Variants in NMUR2 observed in about 807,000 individuals in gnomAD.
The protein encoded by NMUR2 is neuromedin U receptor 2, also known as neuromedin-U receptor 2.
A neutral mutation model predicts 25.1 loss-of-function variants in NMUR2; 24 were observed. The ratio of observed to expected loss-of-function variants is 0.96; its 90% CI spans 0.69 to 1.34. The LOEUF is 1.34. Among genes scored for constraint, NMUR2 ranks in the 40% most tolerant of loss-of-function variants. The pLI is 0.00. For synonymous variants in NMUR2, 218 were observed against 208.1 expected, an observed-to-expected ratio of 1.05 and a Z score of -0.41; for missense variants, 533 against 512.8, an observed-to-expected ratio of 1.04 and a Z score of -0.38.
intron 1 of NMUR2, among the ~76,000 whole-genome samples, chr5:152,404,144 A>T (rs1306716007): frequency 6.6e-6 from 1 of 152,322 alleles, no homozygotes; most frequent in Admixed American, 6.5e-5. Flanking sequence ...TAGATACGAG[A>T]ACCCCAAGAA....
intron 3 of NMUR2, among the ~76,000 whole-genome samples, chr5:152,394,956 A>T (rs763572845): frequency 6.6e-6 from 1 of 151,190 alleles, no homozygotes; most frequent in Non-Finnish European, 1.5e-5. Flanking sequence ...TTGCAAATCC[A>T]GGTCATCTGA....
intron 1 of NMUR2, among the ~76,000 whole-genome samples, chr5:152,399,657 T>A (rs1022179541): frequency 2.0e-5 from 3 of 152,062 alleles, no homozygotes; most frequent in Non-Finnish European, 4.4e-5. Flanking sequence ...GAAACAGAAA[T>A]AAAGTTAGGT....
At chr5:152,398,358 T>A (rs1186737152) in intron 1 of NMUR2, among the ~76,000 whole-genome samples, 2 of 152,176 alleles carry the variant, frequency 1.3e-5, no homozygotes, top group African/African-American at 2.4e-5. Flanking sequence ...GGCCAAGTAA[T>A]AGTGCAACCA....
rs950648812 is a variant in NMUR2, at chr5:152,396,855, C to T, written c.811+1205G>A. Among the ~76,000 whole-genome samples, 4 of 152,046 alleles carry T rather than the reference C, an allele frequency of 2.6e-5. No individual in the cohort carries two copies. The East Asian group carries it at 5.8e-4, about 22-fold the overall frequency. On this transcript the variant is annotated intron_variant, in intron 2 of 3. Coordinates refer to ENST00000255262, the MANE Select transcript of NMUR2 (RefSeq NM_020167.5). ...TACAGTGAGCCGAGATGCCACTGCACTCCAGCCAGGGCAACAGGGCAAGAC... is the reference window on the plus strand; with the variant it reads ...TACAGTGAGCCGAGATGCCACTGCATTCCAGCCAGGGCAACAGGGCAAGAC...
Position 152,405,166 on chromosome 5 carries a change from C to T in NMUR2, c.-53G>A. The T allele has an allele frequency of 7.3e-7, 1 of 1,378,570 alleles. No homozygotes were observed. 85.4% of individuals were successfully genotyped at this position (1,378,570 alleles called of 1,614,324 possible). A position where few individuals can be genotyped will look rare whatever the true frequency, so the allele number is the denominator to read the frequency against. ...GTACGAGGCTCTGTTTCAAGCTGAGCCAGGAAAAAAAAAAAAAAAAGAAAA... is the reference window on the plus strand; with the variant it reads ...GTACGAGGCTCTGTTTCAAGCTGAGTCAGGAAAAAAAAAAAAAAAAGAAAA... On this transcript the variant is annotated 5_prime_UTR_variant, in exon 1 of 4. Coordinates refer to ENST00000255262, the MANE Select transcript of NMUR2 (RefSeq NM_020167.5).
Position 152,404,828 on chromosome 5 carries a change from G to C in NMUR2, c.286C>G (p.Leu96Val). The change falls in exon 1 of 4, where the codon CTC becomes GTC. Residue 96 changes from leucine to valine, a missense_variant. By Grantham distance (32) the Leu-to-Val change is conservative. Coordinates refer to ENST00000255262, the MANE Select transcript of NMUR2 (RefSeq NM_020167.5). ...TAGACCTCCAGGGGCATTCCAAGGA[G>C]CAGGACCAGGAGGTCAGAGACCGCC... Reference protein sequence around the residue: ...SLAVSDLLVLLLGMPLEVYEM... With the variant: ...SLAVSDLLVLVLGMPLEVYEM... 1 of 1,614,108 alleles carries C rather than the reference G, an allele frequency of 6.2e-7. No homozygotes were observed. The highest frequency in any genetic ancestry group is 8.5e-7 in the Non-Finnish European group (1 of 1,180,030).
At position 152,392,081 on chromosome 5, in the gene NMUR2, T is replaced by G; in HGVS notation, c.*110A>C. The G allele has an allele frequency of 1.4e-5, 13 of 921,972 alleles. No homozygotes were observed. The highest frequency in any genetic ancestry group is 1.8e-5 in the Non-Finnish European group (11 of 599,990). The allele number at this position is 921,972 out of a possible 1,614,324, so 57.1% of individuals were successfully genotyped here. A position where few individuals can be genotyped will look rare whatever the true frequency, so the allele number is the denominator to read the frequency against. On this transcript the variant is annotated 3_prime_UTR_variant, in exon 4 of 4. Coordinates refer to ENST00000255262, the MANE Select transcript of NMUR2 (RefSeq NM_020167.5). The stretch of plus-strand genomic sequence containing the variant: ...AAAAAAAAAACTAGCAATGGGTACA[T>G]GAGTTGTAAGAGCCATTCTACCTCT...
intron 1 of NMUR2, among the ~76,000 whole-genome samples, chr5:152,403,029 T>C (rs1309910149): frequency 6.6e-6 from 1 of 152,242 alleles, no homozygotes; most frequent in Non-Finnish European, 1.5e-5. Context: ...AATAGGAGTA[T>C]ATTAGTTGTC....
chr5:152,404,499 C>A lies in NMUR2; in HGVS notation c.615G>T (p.Thr205=), dbSNP rs772204712. 8 of 1,613,926 alleles carry A rather than the reference C, an allele frequency of 5.0e-6. No individual in the cohort carries two copies. Among genetic ancestry groups the A allele is most frequent in the Middle Eastern group, 1.6e-4 (1 of 6,084 alleles). The change falls in exon 1 of 4, where the codon ACG becomes ACT. Residue 205 remains threonine, a synonymous_variant. Transcript: ENST00000255262. ...TGTAGATCCACATGGGCTTGATGACCGTACAGGTGGCCGAACCTGGGACCA... is the reference window on the plus strand; with the variant it reads ...TGTAGATCCACATGGGCTTGATGACAGTACAGGTGGCCGAACCTGGGACCA... ...GSLVPGSATC[T]VIKPMWIYNF... is the part of the protein sequence containing the mutation.
Position 152,405,168 on chromosome 5 carries a change from A to G in NMUR2, c.-55T>C. 7.3e-7 allele frequency: 1 copy of G among 1,362,092 alleles called. No individual in the cohort carries two copies. Among genetic ancestry groups the G allele is most frequent in the Non-Finnish European group, 9.7e-7 (1 of 1,029,626 alleles). The allele number at this position is 1,362,092 out of a possible 1,614,324, so 84.4% of individuals were successfully genotyped here. A position where few individuals can be genotyped will look rare whatever the true frequency, so the allele number is the denominator to read the frequency against. ...ACGAGGCTCTGTTTCAAGCTGAGCC[A>G]GGAAAAAAAAAAAAAAAAGAAAAAA... On this transcript the variant is annotated 5_prime_UTR_variant, in exon 1 of 4. Transcript: ENST00000255262.
At position 152,405,233 on chromosome 5, in the gene NMUR2, C is replaced by T; in HGVS notation, c.-120G>A. 8.2e-7 allele frequency: 1 copy of T among 1,214,496 alleles called. No individual in the cohort carries two copies. Among genetic ancestry groups the T allele is most frequent in the Non-Finnish European group, 1.1e-6 (1 of 882,268 alleles). 75.2% of individuals were successfully genotyped at this position (1,214,496 alleles called of 1,614,324 possible). On this transcript the variant is annotated 5_prime_UTR_variant, in exon 1 of 4. Coordinates refer to ENST00000255262, the MANE Select transcript of NMUR2 (RefSeq NM_020167.5). The stretch of plus-strand genomic sequence containing the variant: ...AGAAAGCAGTCACGAAAGTCACAGG[C>T]TTCGTAAGGAAGGCTGGGAGAGAGT...
intron 1 of NMUR2, among the ~76,000 whole-genome samples, chr5:152,401,613 C>T (rs548863584): frequency 2.0e-5 from 3 of 152,198 alleles, no homozygotes; most frequent in Non-Finnish European, 2.9e-5. Flanking sequence ...ATCCTCATCA[C>T]CTCAATCATG....
intron 3 of NMUR2, among the ~76,000 whole-genome samples, chr5:152,394,791 G>T (rs1157545101): frequency 1.3e-5 from 2 of 148,464 alleles, no homozygotes; most frequent in African/African-American, 5.0e-5. Context: ...GCTCTTTAAT[G>T]TCTATTATTG....
intron 1 of NMUR2, among the ~76,000 whole-genome samples, chr5:152,402,604 G>T (rs1274322466): frequency 6.6e-6 from 1 of 152,210 alleles, no homozygotes; most frequent in Non-Finnish European, 1.5e-5. Flanking sequence ...GATTGGAAGA[G>T]GAACTGTGCA....
Position 152,404,837 on chromosome 5 carries a change from G to C in NMUR2, c.277C>G (p.Leu93Val), listed in dbSNP as rs1753326962. 2 of 1,613,998 alleles carry C rather than the reference G, an allele frequency of 1.2e-6. No individual in the cohort carries two copies. Residue 93 changes from leucine (L) to valine (V), a missense_variant, in exon 1 of 4, where the codon CTG (leucine) becomes GTG (valine). Transcript: ENST00000255262. ...AGGGGCATTCCAAGGAGCAGGACCA[G>C]GAGGTCAGAGACCGCCAGGCTGAAG... Reference protein sequence around the residue: ...YLFSLAVSDLLVLLLGMPLEV... With the variant: ...YLFSLAVSDLVVLLLGMPLEV...
At chr5:152,396,203 C>A (rs1429689330) in intron 2 of NMUR2, among the ~76,000 whole-genome samples, 1 of 140,278 alleles carries the variant, frequency 7.1e-6, no homozygotes, top group Non-Finnish European at 1.6e-5. Context: ...ATTAAACACA[C>A]ACACACACAC....
intron 2 of NMUR2, among the ~76,000 whole-genome samples, chr5:152,397,803 A>C (rs1233889801): frequency 6.6e-6 from 1 of 152,212 alleles, no homozygotes; most frequent in Non-Finnish European, 1.5e-5. Flanking sequence ...GTTCAAAACC[A>C]AAAATGAAAC....
chr5:152,401,295 C>G (rs1330816889), intron 1 of NMUR2, among the ~76,000 whole-genome samples: 1 of 152,088 alleles, frequency 6.6e-6, no homozygotes, highest in Non-Finnish European at 1.5e-5. Flanking sequence ...GTTGTGATTA[C>G]CATTACTATA....
In NMUR2 at chr5:152,405,258, T is replaced by C; in HGVS notation, c.-145A>G. On this transcript the variant is annotated 5_prime_UTR_variant, in exon 1 of 4. Transcript: ENST00000255262. The stretch of plus-strand genomic sequence containing the variant: ...CTTCGTAAGGAAGGCTGGGAGAGAG[T>C]GAGTGTTTCACCCTCCAGGTTAGGC... 2.1e-6 allele frequency: 2 copies of C among 965,148 alleles called. No homozygotes were observed. The highest frequency in any genetic ancestry group is 1.8e-5 in the South Asian group (1 of 57,032). The allele number at this position is 965,148 out of a possible 1,614,324, so 59.8% of individuals were successfully genotyped here. A position where few individuals can be genotyped will look rare whatever the true frequency, so the allele number is the denominator to read the frequency against.
Sources: allele counts gnomAD v4.1 joint callset (sites outside exome capture counted in the v4.1 genomes callset), GRCh38; gene constraint gnomAD v4.1.1; transcripts MANE v1.5; gene names NCBI Gene and HGNC (gene_info 2026-07-23, HGNC 2026-07-21).